Variants in CDH13 observed in about 807,000 individuals in gnomAD.
The protein encoded by CDH13 is cadherin-13.
CDH13 carries 24 observed loss-of-function variants against 63.8 expected under a neutral mutation model. The ratio of observed to expected loss-of-function variants is 0.38; its 90% confidence interval spans 0.27 to 0.53. CDH13 has a LOEUF of 0.53. CDH13 is among the 20% of genes least tolerant of loss of function. The probability of loss-of-function intolerance (pLI) is 0.85; values close to 1 mark genes in which losing one functional copy is unlikely to be tolerated. For missense variants in CDH13, 1,049 were observed against 903.1 expected, an observed-to-expected ratio of 1.16 and a Z score of -2.07; for synonymous variants, 503 against 355.3, an observed-to-expected ratio of 1.42 and a Z score of -4.67.
intron 2 of CDH13, among the ~76,000 whole-genome samples, chr16:83,007,081 C>T (rs145476259): frequency 4.7e-4 from 72 of 152,154 alleles, no homozygotes; most frequent in African/African-American, 1.7e-3. Flanking sequence ...GCACCACGCC[C>T]AGCTAATTTT....
intron 4 of CDH13, among the ~76,000 whole-genome samples, chr16:83,130,756 T>C (rs113814210): frequency 2.6e-5 from 4 of 152,354 alleles, no homozygotes; most frequent in African/African-American, 9.6e-5. Context: ...ATCATTTGTC[T>C]TGCATTTCAA....
At chr16:82,877,365 G>C (rs1366275582) in intron 2 of CDH13, among the ~76,000 whole-genome samples, 2 of 152,206 alleles carry the variant, frequency 1.3e-5, no homozygotes, top group African/African-American at 4.8e-5. Context: ...ATTGTTCCTG[G>C]TTTAGAGCCT....
chr16:82,959,393 TA>T (rs1906615841), intron 2 of CDH13, among the ~76,000 whole-genome samples: 1 of 152,204 alleles, frequency 6.6e-6, no homozygotes. Flanking sequence ...TGTAAAAATT[TA>T]TGACAAAATT....
chr16:83,430,984 C>T (rs1340921879), intron 6 of CDH13, among the ~76,000 whole-genome samples: 2 of 137,124 alleles, frequency 1.5e-5, no homozygotes, highest in Non-Finnish European at 3.1e-5. Flanking sequence ...CACCTCACAA[C>T]AGTCCCCAAA....
chr16:82,783,853 T>A (rs1248705810), intron 1 of CDH13, among the ~76,000 whole-genome samples: 1 of 152,156 alleles, frequency 6.6e-6, no homozygotes, highest in African/African-American at 2.4e-5. Flanking sequence ...GCTCTCTGCA[T>A]AATTTTTGGA....
At chr16:83,204,173 TG>T (rs1346661711) in intron 4 of CDH13, among the ~76,000 whole-genome samples, 1 of 152,198 alleles carries the variant, frequency 6.6e-6, no homozygotes, top group Non-Finnish European at 1.5e-5. Context: ...TTGGGTCTAC[TG>T]GGTTGAGTGC....
At chr16:83,683,037 C>T (rs898385321) in intron 10 of CDH13, among the ~76,000 whole-genome samples, 30 of 152,222 alleles carry the variant, frequency 2.0e-4, no homozygotes, top group Non-Finnish European at 4.4e-4. Context: ...CACTGCTCCT[C>T]GGCTGACCGC....
At chr16:82,851,414 G>A (rs2039475968) in intron 1 of CDH13, among the ~76,000 whole-genome samples, 3 of 142,794 alleles carry the variant, frequency 2.1e-5, no homozygotes, top group Admixed American at 1.4e-4. Flanking sequence ...CAGCCTGGGT[G>A]ACAGAGTGAG....
At chr16:83,225,241 C>G (rs956573786) in intron 5 of CDH13, among the ~76,000 whole-genome samples, 68 of 152,124 alleles carry the variant, frequency 4.5e-4, no homozygotes, top group African/African-American at 1.6e-3. Context: ...ACTAATTGGC[C>G]TTGATGAAGA....
intron 2 of CDH13, among the ~76,000 whole-genome samples, chr16:82,996,948 TTGA>T (rs1215734596): frequency 8.8e-5 from 10 of 113,900 alleles, no homozygotes; most frequent in East Asian, 2.2e-4. Context: ...GATGGTGTTG[TTGA>T]TGATGGTGGT....
chr16:82,968,095 G>T (rs1294740126), intron 2 of CDH13, among the ~76,000 whole-genome samples: 2 of 152,122 alleles, frequency 1.3e-5, no homozygotes, highest in Non-Finnish European at 2.9e-5. Context: ...CCCAACTTAA[G>T]AATTTATTTC....
At chr16:83,589,349 C>T (rs1475726038) in intron 7 of CDH13, among the ~76,000 whole-genome samples, 1 of 142,878 alleles carries the variant, frequency 7.0e-6, no homozygotes, top group African/African-American at 2.6e-5. Flanking sequence ...CTCCCTCCCT[C>T]CTCCCTCCCT....
At chr16:83,034,225 C>T (rs1315585619) in intron 3 of CDH13, among the ~76,000 whole-genome samples, 1 of 152,138 alleles carries the variant, frequency 6.6e-6, no homozygotes, top group Non-Finnish European at 1.5e-5. Context: ...GTATCCTTCT[C>T]ACTGCAATGC....
chr16:83,747,722 G>A (rs1225770875), intron 10 of CDH13, among the ~76,000 whole-genome samples: 1 of 149,002 alleles, frequency 6.7e-6, no homozygotes, highest in Non-Finnish European at 1.5e-5. Flanking sequence ...TGCCCTGCTT[G>A]TACCTTCACA....
intron 2 of CDH13, among the ~76,000 whole-genome samples, chr16:82,906,770 T>C (rs1174902975): frequency 6.6e-6 from 1 of 152,164 alleles, no homozygotes. Context: ...CCCCACCCCT[T>C]CCTAGATGCT....
intron 5 of CDH13, among the ~76,000 whole-genome samples, chr16:83,285,220 C>T (rs755064906): frequency 2.0e-4 from 30 of 152,260 alleles, no homozygotes; most frequent in Non-Finnish European, 2.1e-4. Context: ...AGGAAGAAAA[C>T]GTCTCACCTA....
At chr16:83,002,433 C>T (rs1007090067) in intron 2 of CDH13, among the ~76,000 whole-genome samples, 3 of 152,178 alleles carry the variant, frequency 2.0e-5, no homozygotes, top group East Asian at 1.9e-4. Flanking sequence ...GTCCCATCAA[C>T]ATCTTGATTT....
chr16:83,515,604 G>A lies in CDH13; in HGVS notation c.960+28949G>A, dbSNP rs1313689589. ...ATTGCCCCAGCTGTCAAAGTTTCCAGTGTTAAAAAGCAGTGTAAAATTTCT... is the reference window on the plus strand; with the variant it reads ...ATTGCCCCAGCTGTCAAAGTTTCCAATGTTAAAAAGCAGTGTAAAATTTCT... On this transcript the variant is annotated intron_variant, in intron 7 of 13. Coordinates refer to ENST00000567109, the MANE Select transcript of CDH13 (RefSeq NM_001257.5). 2.0e-5 allele frequency among the ~76,000 whole-genome samples: 3 copies of A among 152,190 alleles called. No homozygotes were observed. The East Asian group carries it at 5.8e-4, about 29-fold the overall frequency.
intron 4 of CDH13, among the ~76,000 whole-genome samples, chr16:83,133,275 T>C (rs767365148): frequency 2.2e-4 from 34 of 152,190 alleles, no homozygotes; most frequent in Non-Finnish European, 4.1e-4. Context: ...AAGCGTAAAA[T>C]ACACATTGGA....
Sources: allele counts gnomAD v4.1 joint callset (sites outside exome capture counted in the v4.1 genomes callset), GRCh38; gene constraint gnomAD v4.1.1; transcripts MANE v1.5; gene names NCBI Gene and HGNC (gene_info 2026-07-23, HGNC 2026-07-21).